The following MIER2 variants were observed in gnomAD, a reference collection of about 807,000 sequenced individuals.
MIER2 encodes MIER family member 2, also known as mesoderm induction early response protein 2.
In MIER2, 30 loss-of-function variants were observed where a neutral mutation model predicts 67.6. The observed-to-expected ratio is 0.44, with a 90% CI of 0.33 to 0.60. The LOEUF (loss-of-function observed/expected upper bound fraction) is 0.60, where lower values mean the gene tolerates loss of function less well. Ranked by LOEUF, MIER2 falls within the 20% of genes least tolerant of loss-of-function variation. The pLI is 0.02. For missense variants in MIER2, 702 were observed against 745.1 expected (o/e 0.94, Z 0.67); for synonymous variants, 372 against 312.6 (o/e 1.19, Z -2.00).
intron 7 of MIER2, among the ~76,000 whole-genome samples, chr19:322,801 G>T (rs1402631508): frequency 6.6e-6 from 1 of 152,126 alleles, no homozygotes; most frequent in Non-Finnish European, 1.5e-5. Flanking sequence ...GAGTGCCTAT[G>T]TCCACTAACG....
At chr19:341,422 G>T (rs979870219) in intron 1 of MIER2, among the ~76,000 whole-genome samples, 1 of 152,170 alleles carries the variant, frequency 6.6e-6, no homozygotes, top group South Asian at 2.1e-4. Context: ...CTAAGGCAGA[G>T]GGGGGCAAAG....
At position 312,304 on chromosome 19, in the gene MIER2, G is replaced by A. The variant is rs761514964; in HGVS notation, c.808-32C>T. 5.6e-6 allele frequency: 9 copies of A among 1,604,032 alleles called. No individual in the cohort carries two copies. In the South Asian group the frequency reaches 9.9e-5, roughly 18 times the overall value. On this transcript the variant is annotated intron_variant, in intron 8 of 13. Transcript: ENST00000264819. Reference sequence around the variant, plus strand: ...AGAGGACATGTTGGCTCTTCCATGGGCTCAGCGCAGGAGCCGACAGCAAGA... The same window carrying A: ...AGAGGACATGTTGGCTCTTCCATGGACTCAGCGCAGGAGCCGACAGCAAGA...
In MIER2 at chr19:336,112, G is replaced by C. The variant is rs1334526827; in HGVS notation, c.71C>G (p.Pro24Arg). ...TGTTGTCTGCAAGCCCGGCTCCCCT[G>C]GGCACAGGCTGTGCTCGAGGCAGGA... ...VVSCLEHSLCPGEPGLQTTAV... is the reference protein window; with the variant it reads ...VVSCLEHSLCRGEPGLQTTAV... The change falls in exon 2 of 14, where the codon CCA becomes CGA. Residue 24 changes from proline (P) to arginine (R), a missense_variant. By Grantham distance (103) the Pro-to-Arg change is moderately radical. Around this residue, in one of 3 missense-constraint regions of MIER2, gnomAD observed 320 missense variants for 292.6 expected, o/e 1.09. Coordinates refer to ENST00000264819, the MANE Select transcript of MIER2 (RefSeq NM_017550.3). 16 of 1,613,942 alleles carry C rather than the reference G, an allele frequency of 9.9e-6. No individual in the cohort carries two copies. Among genetic ancestry groups the C allele is most frequent in the Non-Finnish European group, 1.3e-5 (15 of 1,179,870 alleles).
intron 7 of MIER2, among the ~76,000 whole-genome samples, chr19:323,709 C>T (rs528332201): frequency 3.8e-4 from 57 of 151,904 alleles, no homozygotes; most frequent in African/African-American, 1.2e-3. Flanking sequence ...ACAAGACACA[C>T]GCAACCACAC....
chr19:317,744 A>C (rs192076555), intron 7 of MIER2, among the ~76,000 whole-genome samples: 2,180 of 150,120 alleles, frequency 0.015, 51 homozygotes, highest in African/African-American at 0.048. Flanking sequence ...AAAAAAAAAA[A>C]AAACAAACAA....
At chr19:318,308 T>C (rs7250095) in intron 7 of MIER2, among the ~76,000 whole-genome samples, 112,175 of 152,082 alleles carry the variant, frequency 0.74, 41,737 homozygotes, top group African/African-American at 0.82. Context: ...AAAAAGCTGC[T>C]GTGGTCACAC....
chr19:326,489 G>T lies in MIER2; in HGVS notation c.585+18C>A. 7.5e-6 allele frequency: 12 copies of T among 1,607,860 alleles called. No homozygotes were observed. Among genetic ancestry groups the T allele is most frequent in the Non-Finnish European group, 9.4e-6 (11 of 1,174,786 alleles). The stretch of plus-strand genomic sequence containing the variant: ...CACGGCCGGGATGCCAGGTTGGGGA[G>T]ATGGCAGAACCACGTACCTTCTTAC... On this transcript the variant is annotated intron_variant, in intron 6 of 13. Coordinates refer to ENST00000264819, the MANE Select transcript of MIER2 (RefSeq NM_017550.3).
rs751598537 is a variant in MIER2 at position 327,166 on chromosome 19, C to T, written c.460G>A (p.Glu154Lys). The part of the protein sequence containing the change: ...DDLTPSVTSH[E>K]ASDLFPNRSG... Reference sequence around the variant, plus strand: ...CGGTTAGGGAAGAGGTCGGAGGCCTCGTGGGAGGTCACGGACGGGGTGAGG... The same window carrying T: ...CGGTTAGGGAAGAGGTCGGAGGCCTTGTGGGAGGTCACGGACGGGGTGAGG... Residue 154 changes from glutamate to lysine, a missense_variant, in exon 5 of 14, where the codon GAG becomes AAG. Physicochemically the swap from Glu to Lys is moderately conservative, Grantham distance 56. Around this residue, in one of 3 missense-constraint regions of MIER2, gnomAD observed 320 missense variants for 292.6 expected, o/e 1.09. Coordinates refer to ENST00000264819, the MANE Select transcript of MIER2 (RefSeq NM_017550.3). 20 of 1,593,260 alleles carry T rather than the reference C, an allele frequency of 1.3e-5. No homozygotes were observed. The highest frequency in any genetic ancestry group is 7.5e-5 in the Admixed American group (4 of 53,262).
chr19:342,090 C>T (rs1972531852), intron 1 of MIER2, among the ~76,000 whole-genome samples: 1 of 152,118 alleles, frequency 6.6e-6, no homozygotes, highest in African/African-American at 2.4e-5. Flanking sequence ...GAAACAACCT[C>T]CTCCTAAGAG....
At chr19:318,021 T>C (rs1173701166) in intron 7 of MIER2, among the ~76,000 whole-genome samples, 5 of 151,704 alleles carry the variant, frequency 3.3e-5, no homozygotes, top group African/African-American at 9.7e-5. Context: ...CTGGCCAACA[T>C]GGTGAAACCC....
chr19:328,576 C>T (rs771333737), intron 3 of MIER2, among the ~76,000 whole-genome samples: 2 of 151,986 alleles, frequency 1.3e-5, no homozygotes, highest in Non-Finnish European at 2.9e-5. Flanking sequence ...GGCGAAATCC[C>T]GTCTCCACTA....
chr19:338,170 C>CAAAAAAAA (rs34351754), intron 1 of MIER2, among the ~76,000 whole-genome samples: 1 of 76,860 alleles, frequency 1.3e-5, no homozygotes, highest in East Asian at 6.0e-4. Flanking sequence ...GACTCCATCT[C>CAAAAAAAA]AAAAAAAAAA....
At chr19:337,806 C>T (rs4897953) in intron 1 of MIER2, among the ~76,000 whole-genome samples, 26,835 of 141,034 alleles carry the variant, frequency 0.19, 3,812 homozygotes, top group African/African-American at 0.4. Flanking sequence ...GAGGCGGAGG[C>T]TGCAGTGAGC....
chr19:313,739 G>A lies in MIER2; in HGVS notation c.656-96C>T, dbSNP rs927976435. 2.7e-6 allele frequency: 4 copies of A among 1,502,598 alleles called. No homozygotes were observed. The African/African-American group carries it at 4.1e-5, about 16-fold the overall frequency. 93.1% of individuals were successfully genotyped at this position (1,502,598 alleles called of 1,614,324 possible). On this transcript the variant is annotated intron_variant, in intron 7 of 13. Coordinates refer to ENST00000264819, the MANE Select transcript of MIER2 (RefSeq NM_017550.3). ...AGCAGCCAACTCAGCCCCTGACAGGGAGGAGGCACTGTCCGTCCTCCCTTT... is the reference window on the plus strand; with the variant it reads ...AGCAGCCAACTCAGCCCCTGACAGGAAGGAGGCACTGTCCGTCCTCCCTTT...
intron 1 of MIER2, chr19:344,518 C>T (rs1279938835): frequency 2.7e-6 from 1 of 375,168 alleles, no homozygotes; most frequent in Admixed American, 6.6e-5. Context: ...CCCCCGCCCG[C>T]CCCGCGCCGC....
intron 1 of MIER2, among the ~76,000 whole-genome samples, chr19:340,081 A>C (rs1004401163): frequency 2.0e-5 from 3 of 152,236 alleles, no homozygotes; most frequent in Non-Finnish European, 4.4e-5. Context: ...GGTCCTCAAG[A>C]AAAAACCTCA....
chr19:313,476 G>A lies in MIER2; in HGVS notation c.807+16C>T, dbSNP rs771828715. The A allele has an allele frequency of 6.2e-7, 1 of 1,607,618 alleles. No individual in the cohort carries two copies. Among genetic ancestry groups the A allele is most frequent in the South Asian group, 1.1e-5 (1 of 90,838 alleles). ...GCAGCCCTCAGCCCCTCTGTCCCCG[G>A]CATGGCAGCCCCCACCTGCTCACTG... On this transcript the variant is annotated intron_variant, in intron 8 of 13. Coordinates refer to ENST00000264819, the MANE Select transcript of MIER2 (RefSeq NM_017550.3).
Position 336,006 on chromosome 19 carries a change from G to A in MIER2, c.100+77C>T. ...AGTGTGCCGGTCCACAGCTCAGCCA[G>A]GCCCAGCAGGCATTCTGTCTCTCAC... On this transcript the variant is annotated intron_variant, in intron 2 of 13. Transcript: ENST00000264819. 3.5e-5 allele frequency: 50 copies of A among 1,421,470 alleles called. 1 individual carries two copies. Among genetic ancestry groups the A allele is most frequent in the Non-Finnish European group, 4.9e-5 (50 of 1,014,490 alleles). The allele number at this position is 1,421,470 out of a possible 1,614,324, so 88.1% of individuals were successfully genotyped here.
At chr19:324,708 G>A (rs967848018) in intron 7 of MIER2, among the ~76,000 whole-genome samples, 5 of 152,180 alleles carry the variant, frequency 3.3e-5, no homozygotes, top group African/African-American at 9.7e-5. Flanking sequence ...GTGTCATACC[G>A]AGTGGGAGGG....
Sources: allele counts gnomAD v4.1 joint callset (sites outside exome capture counted in the v4.1 genomes callset), GRCh38; gene constraint gnomAD v4.1.1; regional missense constraint gnomAD v4.1.1; transcripts MANE v1.5; gene names NCBI Gene and HGNC (gene_info 2026-07-23, HGNC 2026-07-21).